The following HSPA4 variants were observed in gnomAD, a reference collection of about 807,000 sequenced individuals.
HSPA4 encodes the protein heat shock protein family A (Hsp70) member 4, also known as heat shock 70 kDa protein 4.
In HSPA4, 25 loss-of-function variants were observed where a neutral mutation model predicts 106.2. The observed-to-expected ratio is 0.24, with a 90% confidence interval of 0.17 to 0.33. The LOEUF (loss-of-function observed/expected upper bound fraction) is 0.33, where lower values mean the gene tolerates loss of function less well. Ranked by LOEUF, HSPA4 falls within the 10% of genes least tolerant of loss-of-function variation. HSPA4 has a pLI of 1.00. For synonymous variants in HSPA4, 332 were observed against 333.6 expected (o/e 1.00, Z 0.05); for missense variants, 841 against 996.0 (o/e 0.84, Z 2.10).
At chr5:133,092,473 A>AAGGGT (rs1275490722) in intron 12 of HSPA4, among the ~76,000 whole-genome samples, 1 of 152,176 alleles carries the variant, frequency 6.6e-6, no homozygotes, top group Non-Finnish European at 1.5e-5. Flanking sequence ...TTGTGTATGT[A>AAGGGT]AGGGTAGGGC....
chr5:133,064,707 T>C (rs1414068352), intron 1 of HSPA4, among the ~76,000 whole-genome samples: 3 of 152,160 alleles, frequency 2.0e-5, no homozygotes, highest in African/African-American at 7.2e-5. Flanking sequence ...GAAAAGTAAT[T>C]AGAGGATGGT....
At chr5:133,067,063 A>G (rs1765316647) in intron 2 of HSPA4, among the ~76,000 whole-genome samples, 1 of 152,144 alleles carries the variant, frequency 6.6e-6, no homozygotes, top group African/African-American at 2.4e-5. Context: ...GTTCCTGGAA[A>G]CTTTCAACCA....
intron 2 of HSPA4, among the ~76,000 whole-genome samples, chr5:133,065,309 TAAC>T (rs1192490988): frequency 6.6e-6 from 1 of 152,236 alleles, no homozygotes; most frequent in Non-Finnish European, 1.5e-5. Context: ...CAATCCAGTG[TAAC>T]AACTACTTAC....
Position 133,052,346 on chromosome 5 carries a change from C to T in HSPA4, c.96C>T (p.Asp32=), listed in dbSNP as rs143631835. The stretch of plus-strand genomic sequence containing the variant: ...AGACTATCGCTAATGAGTATAGCGA[C>T]CGCTGCACGCCGTAAGTGTGGGCCG... ...GIETIANEYS[D]RCTPACISFG... Residue 32 remains aspartate, a synonymous_variant, in exon 1 of 19, where the codon GAC becomes GAT. Coordinates refer to ENST00000304858, the MANE Select transcript of HSPA4 (RefSeq NM_002154.4). 2,189 of 1,553,584 alleles carry T rather than the reference C, an allele frequency of 1.4e-3. 4 individuals carry two copies. The highest frequency in any genetic ancestry group is 1.8e-3 in the Non-Finnish European group (2,059 of 1,150,774).
At chr5:133,077,286 T>A (rs560094720) in intron 7 of HSPA4, among the ~76,000 whole-genome samples, 1 of 152,286 alleles carries the variant, frequency 6.6e-6, no homozygotes, top group East Asian at 1.9e-4. Flanking sequence ...TTGCCCAGGC[T>A]GGAGTAAAGT....
chr5:133,058,711 G>A (rs1765198504), intron 1 of HSPA4, among the ~76,000 whole-genome samples: 1 of 151,604 alleles, frequency 6.6e-6, no homozygotes. Context: ...AACAAAATAG[G>A]GCCGGGTGTG....
At chr5:133,057,482 C>T (rs1293916647) in intron 1 of HSPA4, among the ~76,000 whole-genome samples, 2 of 152,064 alleles carry the variant, frequency 1.3e-5, no homozygotes, top group African/African-American at 4.8e-5. Context: ...CCTCAGCCTC[C>T]CGAATAGCTG....
chr5:133,105,783 T>C lies in HSPA4; in HGVS notation c.*1347T>C, dbSNP rs202055921. On this transcript the variant is annotated 3_prime_UTR_variant, in exon 19 of 19. Coordinates refer to ENST00000304858, the MANE Select transcript of HSPA4 (RefSeq NM_002154.4). ...AAGATGCTATCTTGCATAGTTAGAATTAAGCGTTTGTCCATCTCTAGATAA... is the reference window on the plus strand; with the variant it reads ...AAGATGCTATCTTGCATAGTTAGAACTAAGCGTTTGTCCATCTCTAGATAA... 2.0e-5 allele frequency: 3 copies of C among 152,204 alleles called. No individual in the cohort carries two copies. The highest frequency in any genetic ancestry group is 4.4e-5 in the Non-Finnish European group (3 of 68,028). The allele number at this position is 152,204 out of a possible 1,614,324, so 9.4% of individuals were successfully genotyped here.
chr5:133,076,917 C>A lies in HSPA4; in HGVS notation c.908+19C>A. On this transcript the variant is annotated intron_variant, in intron 7 of 18. Transcript: ENST00000304858. ...TGAATAGGTAAGTATATTACTATTT[C>A]GATGTTAAAGTGAAGAGTGAGTTTT... 1 of 1,576,028 alleles carries A rather than the reference C, an allele frequency of 6.3e-7. No homozygotes were observed. Among genetic ancestry groups the A allele is most frequent in the South Asian group, 1.1e-5 (1 of 88,838 alleles).
At chr5:133,099,747 C>T (rs1048041886) in intron 16 of HSPA4, 95 bp downstream of exon 16, 4 of 564,784 alleles carry the variant, frequency 7.1e-6, no homozygotes, top group Non-Finnish European at 1.3e-5. Flanking sequence ...TAAAGACAGA[C>T]TGAAAATGAT....
At chr5:133,101,444 T>G (rs950972828) in intron 16 of HSPA4, among the ~76,000 whole-genome samples, 2 of 152,214 alleles carry the variant, frequency 1.3e-5, no homozygotes, top group Non-Finnish European at 2.9e-5. Flanking sequence ...AATTAAAACA[T>G]TTTTTATTTT....
chr5:133,071,809 A>G (rs1320738501), intron 4 of HSPA4, among the ~76,000 whole-genome samples: 1 of 152,294 alleles, frequency 6.6e-6, no homozygotes, highest in Non-Finnish European at 1.5e-5. Context: ...AGTTGTGTAC[A>G]CCATTCTGGG....
At chr5:133,096,306 A>G (rs80322587) in intron 14 of HSPA4, 56 bp downstream of exon 14, 26,396 of 1,497,002 alleles carry the variant, frequency 0.018, 313 homozygotes, top group Middle Eastern at 0.04. Flanking sequence ...TTACCATAGT[A>G]TTCAGACTCT....
intron 2 of HSPA4, 23 bp from the exon 3 acceptor site, chr5:133,067,394 C>T: frequency 1.3e-6 from 2 of 1,587,852 alleles, no homozygotes; most frequent in Non-Finnish European, 1.7e-6. Context: ...AGTCTTTCCA[C>T]TCTTTGATAT....
At chr5:133,072,150 T>G (rs920261341) in intron 4 of HSPA4, among the ~76,000 whole-genome samples, 4 of 152,174 alleles carry the variant, frequency 2.6e-5, no homozygotes, top group South Asian at 4.1e-4. Flanking sequence ...CACTGGAGTT[T>G]TGGTAATTTG....
At chr5:133,064,855 A>C (rs1765288532) in intron 1 of HSPA4, 125 bp from the exon 2 acceptor site, 2 of 866,394 alleles carry the variant, frequency 2.3e-6, no homozygotes, top group Non-Finnish European at 3.7e-6. Context: ...TAGAAAGGTC[A>C]AAATCATAGA....
Position 133,088,435 on chromosome 5 carries a change from G to GA in HSPA4, c.1018dup (p.Ile340AsnfsTer21), listed in dbSNP as rs754123565. The GA allele has an allele frequency of 6.2e-7, 1 of 1,612,036 alleles. No homozygotes were observed. On this transcript the variant is annotated frameshift_variant, in exon 9 of 19. Coordinates refer to ENST00000304858, the MANE Select transcript of HSPA4 (RefSeq NM_002154.4). LOFTEE classifies it high-confidence loss of function. ...AGAAAGAAGATATTTATGCAGTGGAGATAGTTGGTGGTGCTACACGAATCC... is the reference window on the plus strand; with the variant it reads ...AGAAAGAAGATATTTATGCAGTGGAGAATAGTTGGTGGTGCTACACGAATCC...
At chr5:133,061,157 C>G (rs1765237114) in intron 1 of HSPA4, among the ~76,000 whole-genome samples, 1 of 150,998 alleles carries the variant, frequency 6.6e-6, no homozygotes, top group African/African-American at 2.4e-5. Flanking sequence ...GAGTCTTGCC[C>G]TGTCACCCAG....
chr5:133,093,538 TGG>T (rs1433738222), intron 13 of HSPA4, among the ~76,000 whole-genome samples: 2 of 152,164 alleles, frequency 1.3e-5, no homozygotes, highest in Non-Finnish European at 2.9e-5. Context: ...TCGCCCAGGC[TGG>T]AGTACAGTGG....
Sources: allele counts gnomAD v4.1 joint callset (sites outside exome capture counted in the v4.1 genomes callset), GRCh38; gene constraint gnomAD v4.1.1; transcripts MANE v1.5; gene names NCBI Gene and HGNC (gene_info 2026-07-23, HGNC 2026-07-21).